The following SOX6 variants were observed in gnomAD, a reference collection of about 807,000 sequenced individuals.
SOX6 encodes the protein SRY-box transcription factor 6.
In SOX6, 11 loss-of-function variants were observed where a neutral mutation model predicts 97.8. The observed-to-expected ratio is 0.11, with a 90% CI of 0.07 to 0.19. The LOEUF is 0.19. Among genes scored for constraint, SOX6 ranks in the 10% least tolerant of loss-of-function variants. The pLI is 1.00. For missense variants in SOX6, 810 were observed against 1,039.5 expected (o/e 0.78, Z 3.04); for synonymous variants, 360 against 371.4 (o/e 0.97, Z 0.35).
At chr11:16,478,008 C>T (rs1860284721), upstream of SOX6, among the ~76,000 whole-genome samples, 1 of 152,166 alleles carries the variant, frequency 6.6e-6, no homozygotes, top group Admixed American at 6.5e-5. Context: ...GACAAGCCTA[C>T]CTGGACACAC....
intron 1 of SOX6, among the ~76,000 whole-genome samples, chr11:16,448,286 C>T (rs978741479): frequency 1.3e-5 from 2 of 152,130 alleles, no homozygotes; most frequent in Non-Finnish European, 2.9e-5. Context: ...AAGCACCTTT[C>T]CCCTACACTT....
chr11:16,318,730 G>A, intron 2 of SOX6, 77 bp from the exon 3 acceptor site: 1 of 1,203,144 alleles, frequency 8.3e-7, no homozygotes, highest in Non-Finnish European at 1.2e-6. Context: ...ATCCCAAACT[G>A]AGGACAGTAT....
intron 4 of SOX6, among the ~76,000 whole-genome samples, chr11:16,561,802 T>C (rs1051019800): frequency 2.0e-5 from 3 of 152,124 alleles, no homozygotes; most frequent in African/African-American, 7.2e-5. Context: ...CGATCATAGC[T>C]CAGTGTAATC....
At position 16,022,573 on chromosome 11, in the gene SOX6, G is replaced by A. The variant is rs187643151; in HGVS notation, c.1624-7523C>T. Reference sequence around the variant, plus strand: ...ATTACAGTGCACACCACTACACCCGGCTAACTTTTTTGTATTTTTAGCAGA... The same window carrying A: ...ATTACAGTGCACACCACTACACCCGACTAACTTTTTTGTATTTTTAGCAGA... On this transcript the variant is annotated intron_variant, in intron 12 of 15. Transcript: ENST00000683767. Among the ~76,000 whole-genome samples the A allele has an allele frequency of 1.3e-4, 20 of 151,768 alleles. No homozygotes were observed. In the East Asian group the frequency reaches 3.1e-3, roughly 24 times the overall value.
chr11:16,579,450 C>A (rs1848011212), intron 4 of SOX6, among the ~76,000 whole-genome samples: 1 of 151,900 alleles, frequency 6.6e-6, no homozygotes, highest in African/African-American at 2.4e-5. Context: ...CAATTAATTA[C>A]CCAACCAAAG....
At position 16,345,527 on chromosome 11, in the gene SOX6, C is replaced by T. The variant is rs186338434; in HGVS notation, c.-4-4275G>A. On this transcript the variant is annotated intron_variant, in intron 1 of 15. Transcript: ENST00000683767. ...TCAGTACGAACACCTCTAGAAAGGT[C>T]ATAATTATTTTACTCCAAAACACCA... Among the ~76,000 whole-genome samples the T allele has an allele frequency of 8.1e-4, 123 of 152,086 alleles. 1 individual carries two copies. Among genetic ancestry groups the T allele is most frequent in the Admixed American group, 4.1e-3 (62 of 15,240 alleles).
chr11:16,350,430 A>G, intron 1 of SOX6, among the ~76,000 whole-genome samples: 1 of 152,216 alleles, frequency 6.6e-6, no homozygotes, highest in Admixed American at 6.5e-5. Flanking sequence ...TTAGAAAAAC[A>G]TCTTTTTCCT....
upstream of SOX6, among the ~76,000 whole-genome samples, chr11:16,361,119 A>C (rs1238308021): frequency 2.0e-5 from 3 of 152,192 alleles, no homozygotes; most frequent in East Asian, 5.8e-4. Flanking sequence ...CCAGTAACTT[A>C]GTTACTATTA....
chr11:16,251,943 G>A (rs1853525546), intron 3 of SOX6, among the ~76,000 whole-genome samples: 1 of 151,342 alleles, frequency 6.6e-6, no homozygotes, highest in African/African-American at 2.4e-5. Flanking sequence ...TATATAAGAT[G>A]CAAATAAAAC....
chr11:15,984,109 T>A (rs1853752580), intron 15 of SOX6, among the ~76,000 whole-genome samples: 1 of 152,166 alleles, frequency 6.6e-6, no homozygotes, highest in South Asian at 2.1e-4. Flanking sequence ...TTCTTTATCT[T>A]ATTTAGAGAA....
At chr11:16,513,427 G>A (rs1292453345) in intron 4 of SOX6, among the ~76,000 whole-genome samples, 1 of 152,126 alleles carries the variant, frequency 6.6e-6, no homozygotes, top group African/African-American at 2.4e-5. Flanking sequence ...GAGGTCAGAA[G>A]TTTGAGACCA....
At chr11:16,080,797 A>G (rs906923018) in intron 9 of SOX6, among the ~76,000 whole-genome samples, 2 of 152,150 alleles carry the variant, frequency 1.3e-5, no homozygotes, top group African/African-American at 4.8e-5. Context: ...ACTGGGAACA[A>G]TTAATTTGGA....
intron 6 of SOX6, among the ~76,000 whole-genome samples, chr11:16,125,409 A>T (rs1849585142): frequency 6.6e-6 from 1 of 152,144 alleles, no homozygotes; most frequent in Admixed American, 6.6e-5. Flanking sequence ...GGAAAAAAAT[A>T]AACTGTTCAT....
chr11:16,710,649 G>C (rs1446109716), intron 3 of SOX6, among the ~76,000 whole-genome samples: 1 of 152,012 alleles, frequency 6.6e-6, no homozygotes, highest in Non-Finnish European at 1.5e-5. Context: ...CAAGTTATAG[G>C]GTTTCTCAGA....
At chr11:16,185,103 A>G (rs1590007725) in intron 5 of SOX6, among the ~76,000 whole-genome samples, 1 of 152,170 alleles carries the variant, frequency 6.6e-6, no homozygotes, top group Non-Finnish European at 1.5e-5. Context: ...ATTCAGCACA[A>G]GATGACAAAA....
chr11:16,427,950 T>G (rs921586156), intron 1 of SOX6, among the ~76,000 whole-genome samples: 32 of 151,772 alleles, frequency 2.1e-4, no homozygotes, highest in Middle Eastern at 3.4e-3. Context: ...CCACCAACAG[T>G]GTAAAAGTGT....
At chr11:16,011,306 C>T (rs1854718936) in intron 13 of SOX6, among the ~76,000 whole-genome samples, 1 of 152,088 alleles carries the variant, frequency 6.6e-6, no homozygotes, top group Non-Finnish European at 1.5e-5. Flanking sequence ...CATGTTAAGA[C>T]TTCAACTGCT....
At position 16,613,452 on chromosome 11, in the gene SOX6, C is replaced by T. The variant is rs915701689; in HGVS notation, n.430-1192G>A. 2.0e-5 allele frequency among the ~76,000 whole-genome samples: 3 copies of T among 152,104 alleles called. No individual in the cohort carries two copies. The highest frequency in any genetic ancestry group is 7.2e-5 in the African/African-American group (3 of 41,412). On this transcript the variant is annotated intron_variant and non_coding_transcript_variant, in intron 3 of 5. Coordinates refer to the SOX6 transcript ENST00000524520. This position sits in a 1 kb window ranked among gnomAD's most constrained non-coding sequence, Gnocchi z 4.6. ...CAGAGCCTCTGTCTTGCCAGTTGCG[C>T]ACTCTGAGACATCTCTCGGTGCAGA... is the stretch of plus-strand genomic sequence containing the variant.
intron 4 of SOX6, among the ~76,000 whole-genome samples, chr11:16,490,898 C>CA (rs1014351544): frequency 5.9e-5 from 9 of 151,926 alleles, no homozygotes; most frequent in Admixed American, 2.6e-4. Flanking sequence ...AACAAGTGCA[C>CA]AAAAAACAGT....
Sources: gnomAD v4.1 joint callset for allele counts (sites outside exome capture counted in the v4.1 genomes callset) on GRCh38, gnomAD v4.1.1 for gene constraint, Gnocchi (gnomAD v3.1) non-coding constraint, MANE v1.5 for transcripts, NCBI Gene and HGNC (gene_info 2026-07-23, HGNC 2026-07-21) for gene names.